TNKS: variants seen among roughly 807,000 people sequenced by gnomAD.
The protein encoded by TNKS is poly [ADP-ribose] polymerase tankyrase-1.
In TNKS, 72 loss-of-function variants were observed where a neutral mutation model predicts 135.8. The observed-to-expected ratio is 0.53, with a 90% CI of 0.44 to 0.64. The LOEUF is 0.64. TNKS is among the 30% of genes least tolerant of loss of function. The pLI, the probability that TNKS is intolerant of heterozygous loss-of-function variation, is 0.00. For missense variants in TNKS, 1,769 were observed against 1,674.0 expected, an observed-to-expected ratio of 1.06 and a Z score of -0.99; for synonymous variants, 849 against 649.3, an observed-to-expected ratio of 1.31 and a Z score of -4.68.
At chr8:9,559,084 C>T (rs987257657) in intron 1 of TNKS, among the ~76,000 whole-genome samples, 2 of 152,134 alleles carry the variant, frequency 1.3e-5, no homozygotes, top group Admixed American at 6.5e-5. Flanking sequence ...CTTAGATGAT[C>T]GGGTGTTAAA....
intron 2 of TNKS, among the ~76,000 whole-genome samples, chr8:9,592,364 T>C (rs1054050765): frequency 2.6e-5 from 4 of 152,208 alleles, no homozygotes; most frequent in African/African-American, 9.6e-5. Flanking sequence ...TCTTACTGGC[T>C]TTAGTAGAAT....
intron 3 of TNKS, among the ~76,000 whole-genome samples, chr8:9,661,977 A>G (rs1338907887): frequency 1.3e-5 from 2 of 152,264 alleles, no homozygotes; most frequent in Non-Finnish European, 2.9e-5. Flanking sequence ...CAAAAAACAC[A>G]TGAAAAAATG....
At chr8:9,669,298 G>C (rs1353995022) in intron 3 of TNKS, among the ~76,000 whole-genome samples, 1 of 151,408 alleles carries the variant, frequency 6.6e-6, no homozygotes, top group Non-Finnish European at 1.5e-5. Context: ...GGCGCCTGTA[G>C]TCCCAGCTAC....
chr8:9,770,024 T>TA, intron 25 of TNKS, 82 bp from the exon 26 acceptor site: 2 of 1,310,886 alleles, frequency 1.5e-6, no homozygotes, highest in Admixed American at 2.5e-5. Context: ...GTTAAATTTT[T>TA]AAAAAATTAA....
chr8:9,687,741 T>C (rs1252738363), intron 5 of TNKS, among the ~76,000 whole-genome samples: 2 of 152,202 alleles, frequency 1.3e-5, no homozygotes, highest in African/African-American at 4.8e-5. Flanking sequence ...GAAGCACAAG[T>C]TTCCTGCTGT....
intron 5 of TNKS, among the ~76,000 whole-genome samples, chr8:9,697,183 G>A (rs1197892999): frequency 3.3e-5 from 5 of 152,094 alleles, no homozygotes; most frequent in South Asian, 2.1e-4. Context: ...CAAGTCCAAC[G>A]AAAAGAATTA....
chr8:9,567,497 G>C (rs1435039547), intron 1 of TNKS, among the ~76,000 whole-genome samples: 3 of 152,172 alleles, frequency 2.0e-5, no homozygotes, highest in Admixed American at 6.5e-5. Context: ...CTCACTGCAA[G>C]CTCTGCCTCC....
intron 4 of TNKS, 93 bp from the exon 5 acceptor site, chr8:9,680,632 A>G: frequency 1.3e-6 from 1 of 795,832 alleles, no homozygotes. Flanking sequence ...ATCAAAGCAA[A>G]CCCATATTTT....
intron 3 of TNKS, among the ~76,000 whole-genome samples, chr8:9,628,871 CA>C (rs1209498111): frequency 6.6e-6 from 1 of 152,142 alleles, no homozygotes; most frequent in Non-Finnish European, 1.5e-5. Flanking sequence ...CCATGCCCAC[CA>C]AACTTGAACC....
intron 3 of TNKS, among the ~76,000 whole-genome samples, chr8:9,674,313 G>C (rs1802441194): frequency 6.6e-6 from 1 of 152,110 alleles, no homozygotes; most frequent in South Asian, 2.1e-4. Flanking sequence ...TAGTGGCAGA[G>C]CTAGAACTCA....
intron 22 of TNKS, 139 bp from the exon 23 acceptor site, chr8:9,764,577 C>A: frequency 2.0e-6 from 1 of 493,826 alleles, no homozygotes; most frequent in Non-Finnish European, 3.4e-6. Flanking sequence ...ATTTTCTCAC[C>A]AAAAATACTT....
At position 9,771,678 on chromosome 8, in the gene TNKS, G is replaced by GGA. The variant is rs372358789; in HGVS notation, c.3897+1436_3897+1437dup. Among the ~76,000 whole-genome samples, 662 of 113,036 alleles carry GGA rather than the reference G, an allele frequency of 5.9e-3. 13 individuals are homozygous for GGA. The highest frequency in any genetic ancestry group is 0.022 in the African/African-American group (579 of 26,216). 74.2% of individuals were successfully genotyped at this position (113,036 alleles called of 152,430 possible). A position where few individuals can be genotyped will look rare whatever the true frequency, so the allele number is the denominator to read the frequency against. On this transcript the variant is annotated intron_variant, in intron 26 of 26. Coordinates refer to ENST00000310430, the MANE Select transcript of TNKS (RefSeq NM_003747.3). Reference sequence around the variant, plus strand: ...ATGGAGGGGAGAGGCAGGAAGGGAGGGAGAGAGAGAGAGAGAGAGAGGAAG... The same window carrying GGA: ...ATGGAGGGGAGAGGCAGGAAGGGAGGGAGAGAGAGAGAGAGAGAGAGAGGAAG...
chr8:9,726,634 T>G lies in TNKS; in HGVS notation c.1922-7T>G. On this transcript the variant is annotated splice_region_variant and splice_polypyrimidine_tract_variant and intron_variant, in intron 12 of 26. Coordinates refer to ENST00000310430, the MANE Select transcript of TNKS (RefSeq NM_003747.3). ...TATATATGAGTTCTTTCCTTCCTTT[T>G]ATGCAGAGAGTACACCTATACGTAC... The G allele has an allele frequency of 6.3e-7, 1 of 1,599,518 alleles. No individual in the cohort carries two copies.
At chr8:9,595,126 A>T (rs1798727642) in intron 2 of TNKS, among the ~76,000 whole-genome samples, 1 of 145,238 alleles carries the variant, frequency 6.9e-6, no homozygotes, top group Admixed American at 6.9e-5. Flanking sequence ...CTGAATTGGT[A>T]TTTTTTTTTT....
intron 2 of TNKS, among the ~76,000 whole-genome samples, chr8:9,611,487 G>A (rs1220191238): frequency 6.6e-6 from 1 of 152,156 alleles, no homozygotes; most frequent in African/African-American, 2.4e-5. Flanking sequence ...TTATATTAGT[G>A]TGCTATCAAT....
At chr8:9,710,712 C>T (rs71516530) in intron 11 of TNKS, among the ~76,000 whole-genome samples, 20,383 of 151,978 alleles carry the variant, frequency 0.13, 1,707 homozygotes, top group East Asian at 0.3. Flanking sequence ...CTGGCTAAGA[C>T]GGTGAAACCC....
chr8:9,678,069 T>C (rs1383879741), intron 3 of TNKS, among the ~76,000 whole-genome samples: 1 of 152,208 alleles, frequency 6.6e-6, no homozygotes, highest in Admixed American at 6.5e-5. Context: ...CTGTAATCAT[T>C]TATTTATTTG....
At chr8:9,727,872 G>C (rs906174663) in intron 13 of TNKS, among the ~76,000 whole-genome samples, 6 of 152,254 alleles carry the variant, frequency 3.9e-5, no homozygotes, top group African/African-American at 9.6e-5. Flanking sequence ...TTTTAGTTGT[G>C]ATAGCCACTA....
At chr8:9,611,157 C>G (rs985882315) in intron 2 of TNKS, among the ~76,000 whole-genome samples, 3 of 152,098 alleles carry the variant, frequency 2.0e-5, no homozygotes. Flanking sequence ...TTTCTCCGCC[C>G]GTCTTACCTC....
Sources: gnomAD v4.1 joint callset for allele counts (sites outside exome capture counted in the v4.1 genomes callset) on GRCh38, gnomAD v4.1.1 for gene constraint, MANE v1.5 for transcripts, NCBI Gene and HGNC (gene_info 2026-07-23, HGNC 2026-07-21) for gene names.